Variants in SLC35D4 observed in about 807,000 individuals in gnomAD.
SLC35D4 encodes the protein UDP-N-acetylglucosamine transporter SLC35D4.
At chr18:23,368,858 T>G in the SLC35D4 span, 1 of 712,134 alleles carries the variant, frequency 1.4e-6, no homozygotes, top group Non-Finnish European at 2.2e-6. Flanking sequence ...TTACTACTTT[T>G]ATAAATTATC....
the SLC35D4 span, among the ~76,000 whole-genome samples, chr18:23,264,465 C>A: frequency 6.8e-6 from 1 of 148,036 alleles, no homozygotes; most frequent in African/African-American, 2.5e-5. Flanking sequence ...CAGGTTCAAG[C>A]GATTCTCCTG....
At chr18:23,346,784 T>C in the SLC35D4 span, among the ~76,000 whole-genome samples, 6 of 152,224 alleles carry the variant, frequency 3.9e-5, no homozygotes, top group African/African-American at 1.2e-4. Context: ...AATGATCATG[T>C]ATTTTTGTTC....
the SLC35D4 span, among the ~76,000 whole-genome samples, chr18:23,260,654 T>G: frequency 6.6e-6 from 1 of 151,370 alleles, no homozygotes; most frequent in Non-Finnish European, 1.5e-5. Context: ...TTGAGCCAGG[T>G]GGTTTTGTTA....
At chr18:23,411,324 A>AGAAGG in the SLC35D4 span, among the ~76,000 whole-genome samples, 1 of 139,354 alleles carries the variant, frequency 7.2e-6, no homozygotes, top group East Asian at 2.1e-4. Flanking sequence ...GAAAGGGAAG[A>AGAAGG]GAAGGGAAGG....
chr18:23,269,286 G>C, the SLC35D4 span, among the ~76,000 whole-genome samples: 1 of 152,190 alleles, frequency 6.6e-6, no homozygotes, highest in Non-Finnish European at 1.5e-5. Flanking sequence ...GTTCTCACAA[G>C]ATCTGATGGT....
the SLC35D4 span, chr18:23,257,533 T>C: frequency 2.7e-6 from 2 of 728,386 alleles, no homozygotes; most frequent in African/African-American, 1.8e-5. Flanking sequence ...GAGTCTTGGG[T>C]GTGTAGCCAA....
chr18:23,278,293 A>G, the SLC35D4 span, among the ~76,000 whole-genome samples: 1 of 152,150 alleles, frequency 6.6e-6, no homozygotes, highest in Non-Finnish European at 1.5e-5. Flanking sequence ...AACCCACACA[A>G]CCTAGGGACT....
the SLC35D4 span, chr18:23,421,481 T>C: frequency 4.4e-6 from 7 of 1,599,168 alleles, no homozygotes; most frequent in Non-Finnish European, 6.0e-6. Context: ...TTTCATAGAG[T>C]GCTACAGTCT....
the SLC35D4 span, among the ~76,000 whole-genome samples, chr18:23,270,711 G>T: frequency 0.15 from 23,199 of 152,176 alleles, 3,151 homozygotes; most frequent in African/African-American, 0.37. Flanking sequence ...AAGAGATTAT[G>T]TGAGTAATAA....
chr18:23,368,846 A>G, the SLC35D4 span: 5 of 786,492 alleles, frequency 6.4e-6, no homozygotes, highest in Non-Finnish European at 9.8e-6. Context: ...ATTCTATTTT[A>G]GTTACTACTT....
At chr18:23,361,407 A>G in the SLC35D4 span, among the ~76,000 whole-genome samples, 1 of 152,146 alleles carries the variant, frequency 6.6e-6, no homozygotes, top group Non-Finnish European at 1.5e-5. Context: ...TCCAATCAGA[A>G]AGCTAATGAA....
At chr18:23,328,589 T>A in the SLC35D4 span, among the ~76,000 whole-genome samples, 1 of 152,288 alleles carries the variant, frequency 6.6e-6, no homozygotes, top group South Asian at 2.1e-4. Flanking sequence ...TCCATGCTCA[T>A]GGATAGGAAG....
the SLC35D4 span, among the ~76,000 whole-genome samples, chr18:23,301,724 G>A: frequency 2.6e-5 from 4 of 152,290 alleles, no homozygotes; most frequent in South Asian, 2.1e-4. Flanking sequence ...TCTATAAAAC[G>A]GGAGAGGAGA....
chr18:23,319,252 AT>A, the SLC35D4 span, among the ~76,000 whole-genome samples: 1 of 42,322 alleles, frequency 2.4e-5, no homozygotes, highest in Non-Finnish European at 8.0e-5. Context: ...TGCTTTATTT[AT>A]TTATTTATTT....
chr18:23,368,250 C>A, the SLC35D4 span, among the ~76,000 whole-genome samples: 5 of 152,324 alleles, frequency 3.3e-5, no homozygotes, highest in Admixed American at 2.0e-4. Context: ...GCCCAAGGGC[C>A]TCACACATGT....
At chr18:23,371,926 G>GTTTTTTTTTTTTTTTTTTTTTT in the SLC35D4 span, among the ~76,000 whole-genome samples, 4 of 11,862 alleles carry the variant, frequency 3.4e-4, no homozygotes, top group African/African-American at 8.1e-4. Flanking sequence ...TTTCTTCCTT[G>GTTTTTTTTTTTTTTTTTTTTTT]TTTTTTTTGT....
the SLC35D4 span, among the ~76,000 whole-genome samples, chr18:23,287,233 G>A: frequency 6.6e-6 from 1 of 152,110 alleles, no homozygotes; most frequent in East Asian, 1.9e-4. Flanking sequence ...ACCCCGTGGT[G>A]CCAAACCCAT....
chr18:23,335,773 C>T, the SLC35D4 span, among the ~76,000 whole-genome samples: 1 of 152,150 alleles, frequency 6.6e-6, no homozygotes, highest in African/African-American at 2.4e-5. Context: ...CAATTCATCC[C>T]CTAGAGGAGG....
the SLC35D4 span, among the ~76,000 whole-genome samples, chr18:23,241,298 A>C: frequency 6.6e-6 from 1 of 151,872 alleles, no homozygotes; most frequent in South Asian, 2.1e-4. Flanking sequence ...GAGGTGGGTA[A>C]GGTGGGGGGA....
Sources: gnomAD v4.1 joint callset for allele counts (sites outside exome capture counted in the v4.1 genomes callset) on GRCh38, gnomAD v4.1.1 for gene constraint, MANE v1.5 for transcripts, NCBI Gene and HGNC (gene_info 2026-07-23, HGNC 2026-07-21) for gene names.